The following CHFR variants were observed in gnomAD, a reference collection of about 807,000 sequenced individuals.
CHFR encodes E3 ubiquitin-protein ligase CHFR.
CHFR carries 57 observed loss-of-function variants against 87.6 expected under a neutral mutation model. The ratio of observed to expected loss-of-function variants is 0.65; its 90% CI spans 0.53 to 0.81. The LOEUF (loss-of-function observed/expected upper bound fraction) is 0.81. Among genes scored for constraint, CHFR ranks in the 30% least tolerant of loss-of-function variants. The pLI is 0.00. For missense variants in CHFR, 797 were observed against 865.8 expected, an observed-to-expected ratio of 0.92 and a Z score of 1.00; for synonymous variants, 381 against 359.2, an observed-to-expected ratio of 1.06 and a Z score of -0.69.
At chr12:132,876,712 G>A (rs921557364) in intron 3 of CHFR, among the ~76,000 whole-genome samples, 12 of 152,186 alleles carry the variant, frequency 7.9e-5, no homozygotes, top group African/African-American at 2.7e-4. Flanking sequence ...GTGTCACTAA[G>A]TGTCCCATCC....
chr12:132,874,220 T>C (rs140818151), intron 3 of CHFR, among the ~76,000 whole-genome samples: 265 of 152,358 alleles, frequency 1.7e-3, no homozygotes, highest in African/African-American at 6.3e-3. Flanking sequence ...AAGCTTGTGG[T>C]AAATTACAAT....
At position 132,851,609 on chromosome 12, in the gene CHFR, G is replaced by T. The variant is rs779062860; in HGVS notation, c.1492+9C>A. The T allele has an allele frequency of 2.5e-6, 4 of 1,605,030 alleles. No homozygotes were observed. In the African/African-American group the frequency reaches 4.0e-5, roughly 16 times the overall value. On this transcript the variant is annotated intron_variant, in intron 12 of 17. Transcript: ENST00000450056. ...GAACCCGCCTGCGTGCGGTGGCGCG[G>T]GCACTCACACTGCTGAGGGGCGACA...
chr12:132,882,812 C>A (rs1442554766), intron 2 of CHFR: 2 of 151,974 alleles, frequency 1.3e-5, no homozygotes, highest in African/African-American at 4.8e-5. Context: ...CTCATGTGAT[C>A]CTCCCACTTC....
chr12:132,845,813 G>A (rs1037935636), intron 15 of CHFR, among the ~76,000 whole-genome samples: 1 of 152,168 alleles, frequency 6.6e-6, no homozygotes, highest in Admixed American at 6.5e-5. Context: ...AGGACCTCTG[G>A]ATAGACAAGT....
At chr12:132,870,346 CA>C (rs1951458907) in intron 5 of CHFR, among the ~76,000 whole-genome samples, 1 of 145,228 alleles carries the variant, frequency 6.9e-6, no homozygotes, top group South Asian at 2.2e-4. Flanking sequence ...AGCGCGACTC[CA>C]TCTCAAAAAA....
chr12:132,870,879 G>T, intron 4 of CHFR, 96 bp from the exon 5 acceptor site: 1 of 719,896 alleles, frequency 1.4e-6, no homozygotes, highest in South Asian at 1.8e-5. Context: ...TGTTTTTGTT[G>T]ATTATTTTGA....
Position 132,857,486 on chromosome 12 carries a change from T to C in CHFR, c.985A>G (p.Thr329Ala). The change falls in exon 9 of 18, where the codon ACC becomes GCC. Residue 329 changes from threonine to alanine, a missense_variant. By Grantham distance (58) the Thr-to-Ala change is moderately conservative. Coordinates refer to ENST00000450056, the MANE Select transcript of CHFR (RefSeq NM_001161346.2). ...ATCCGCTCCACGGGACAGCGGCAGG[T>C]AGGACACAGGGACGAGCGCTCCATC... ...GWMERSSLCP[T>A]CRCPVERICK... The C allele has an allele frequency of 6.2e-7, 1 of 1,614,104 alleles. No individual in the cohort carries two copies. Among genetic ancestry groups the C allele is most frequent in the Non-Finnish European group, 8.5e-7 (1 of 1,179,996 alleles).
At chr12:132,857,651 C>A in intron 8 of CHFR, 92 bp from the exon 9 acceptor site, 1 of 1,239,198 alleles carries the variant, frequency 8.1e-7, no homozygotes, top group South Asian at 1.4e-5. Flanking sequence ...CACGGAAGGG[C>A]CTACAGGGGC....
intron 14 of CHFR, chr12:132,847,787 C>T (rs1004050321): frequency 2.0e-5 from 26 of 1,278,642 alleles, no homozygotes; most frequent in African/African-American, 1.1e-4. Context: ...AAGCCCTCAC[C>T]GAGAGCTGTG....
intron 11 of CHFR, 79 bp from the exon 12 acceptor site, chr12:132,851,816 C>T (rs1950953278): frequency 2.5e-5 from 38 of 1,512,030 alleles, no homozygotes; most frequent in Non-Finnish European, 3.3e-5. Flanking sequence ...CGCCGGGAAG[C>T]ACAGCGAGGA....
intron 6 of CHFR, 80 bp from the exon 7 acceptor site, chr12:132,861,714 G>A: frequency 7.3e-7 from 1 of 1,369,688 alleles, no homozygotes; most frequent in South Asian, 1.2e-5. Flanking sequence ...TCACTGACTG[G>A]AGCCCAGTGC....
In CHFR at chr12:132,848,080, G is replaced by A. The variant is rs192459248; in HGVS notation, c.1647+5C>T. On this transcript the variant is annotated splice_donor_5th_base_variant and intron_variant, in intron 14 of 17. Transcript: ENST00000450056. ...CCGGCTCCCCAGCCCGCAGCGAGTC[G>A]GTACCTTCAGGATGTCTGACTCGTA... 374 of 1,613,854 alleles carry A rather than the reference G, an allele frequency of 2.3e-4. No individual in the cohort carries two copies. The highest frequency in any genetic ancestry group is 2.9e-4 in the Non-Finnish European group (339 of 1,179,988).
chr12:132,881,738 C>T (rs766589059), intron 2 of CHFR, among the ~76,000 whole-genome samples: 5 of 151,926 alleles, frequency 3.3e-5, no homozygotes, highest in Non-Finnish European at 7.4e-5. Context: ...CATGGTGGCA[C>T]GTGCCTGTAG....
chr12:132,847,303 G>A, intron 14 of CHFR, 173 bp from the exon 15 acceptor site: 7 of 1,365,210 alleles, frequency 5.1e-6, no homozygotes, highest in Non-Finnish European at 2.8e-6. Flanking sequence ...AGCACGAGAA[G>A]TCTTGTCCAA....
intron 7 of CHFR, among the ~76,000 whole-genome samples, chr12:132,860,276 AC>A (rs1288285015): frequency 7.0e-6 from 1 of 142,916 alleles, no homozygotes; most frequent in African/African-American, 2.4e-5. Flanking sequence ...GTCCTGAGAC[AC>A]CCCTGCCAAC....
intron 16 of CHFR, among the ~76,000 whole-genome samples, 180 bp from the exon 17 acceptor site, chr12:132,843,263 T>G (rs529300705): frequency 6.6e-6 from 1 of 152,130 alleles, no homozygotes; most frequent in Admixed American, 6.6e-5. Context: ...CATGTTTAAC[T>G]AAAAACCCAA....
At chr12:132,862,045 A>G in intron 6 of CHFR, 1 of 205,066 alleles carries the variant, frequency 4.9e-6, no homozygotes, top group Non-Finnish European at 1.0e-5. Context: ...GGCCGAAGCA[A>G]GTGGATCACC....
intron 3 of CHFR, among the ~76,000 whole-genome samples, chr12:132,875,513 C>T (rs1384542661): frequency 1.3e-5 from 2 of 152,070 alleles, no homozygotes; most frequent in Admixed American, 1.3e-4. Context: ...ATCCCAGCTA[C>T]TCGGGAGGCT....
rs747672649 is a variant in CHFR, at chr12:132,839,001, C to A, written c.*2553G>T. The A allele has an allele frequency of 1.3e-5, 2 of 152,328 alleles. No individual in the cohort carries two copies. The highest frequency in any genetic ancestry group is 4.8e-5 in the African/African-American group (2 of 41,432). The allele number at this position is 152,328 out of a possible 1,614,324, so 9.4% of individuals were successfully genotyped here. A position where few individuals can be genotyped will look rare whatever the true frequency, so the allele number is the denominator to read the frequency against. On this transcript the variant is annotated 3_prime_UTR_variant, in exon 18 of 18. Coordinates refer to ENST00000450056, the MANE Select transcript of CHFR (RefSeq NM_001161346.2). ...CTGCTCCAGGTAGAAATCCTCTTCA[C>A]AGTGGGCCAGGAGTTGGACTTCTCT...
Sources: gnomAD v4.1 joint callset for allele counts (sites outside exome capture counted in the v4.1 genomes callset) on GRCh38, gnomAD v4.1.1 for gene constraint, MANE v1.5 for transcripts, NCBI Gene and HGNC (gene_info 2026-07-23, HGNC 2026-07-21) for gene names.